THOC5: variants seen among roughly 807,000 people sequenced by gnomAD.
THOC5 encodes Fms-interacting protein.
Under a neutral mutation model 92.9 loss-of-function variants are expected in THOC5, and 43 were observed. That is an observed-to-expected ratio of 0.46 (90% CI 0.36 to 0.60). The LOEUF is 0.60. Among genes scored for constraint, THOC5 ranks in the 20% least tolerant of loss-of-function variants. The pLI is 0.00. For missense variants in THOC5, 659 were observed against 849.4 expected (o/e 0.78, Z 2.79); for synonymous variants, 296 against 320.1 (o/e 0.92, Z 0.80).
intron 12 of THOC5, among the ~76,000 whole-genome samples, chr22:29,525,488 G>C (rs1214564767): frequency 6.6e-6 from 1 of 152,128 alleles, no homozygotes; most frequent in Admixed American, 6.5e-5. Context: ...AAGGGAAAGA[G>C]TGGCCTGAAT....
chr22:29,531,420 G>C (rs2063652572), intron 8 of THOC5: 1 of 1,003,962 alleles, frequency 1.0e-6, no homozygotes, highest in African/African-American at 1.7e-5. Context: ...CATGCAGCCT[G>C]ATTCAAGGCA....
At chr22:29,515,830 C>CA (rs1410201033) in intron 17 of THOC5, among the ~76,000 whole-genome samples, 1 of 151,564 alleles carries the variant, frequency 6.6e-6, no homozygotes, top group Non-Finnish European at 1.5e-5. Context: ...GACCCTGTCT[C>CA]AAAAAATAAG....
At position 29,519,270 on chromosome 22, in the gene THOC5, A is replaced by G. The variant is rs533453884; in HGVS notation, c.1375-150T>C. On this transcript the variant is annotated intron_variant, in intron 14 of 19. Transcript: ENST00000490103. ...TTAGACATGGCAAGGTTTATCTGCT[A>G]TGACAGGCCAGACGCTGAGTCCTGG... The G allele has an allele frequency of 1.9e-5, 10 of 519,498 alleles. No homozygotes were observed. In the East Asian group the frequency reaches 1.9e-4, roughly 10 times the overall value. The allele number at this position is 519,498 out of a possible 1,614,324, so 32.2% of individuals were successfully genotyped here.
rs550234912 is a variant in THOC5, at chr22:29,536,611, C to T, written c.714+13G>A. The T allele has an allele frequency of 1.2e-5, 18 of 1,555,074 alleles. No individual in the cohort carries two copies. In the African/African-American group the frequency reaches 2.0e-4, roughly 18 times the overall value. ...CAGTGGTGAAGGCAAAGCAAAAGGCCAGAGGGCCCCACCTGCATGATGCTG... is the reference window on the plus strand; with the variant it reads ...CAGTGGTGAAGGCAAAGCAAAAGGCTAGAGGGCCCCACCTGCATGATGCTG... On this transcript the variant is annotated intron_variant, in intron 7 of 19. Coordinates refer to ENST00000490103, the MANE Select transcript of THOC5 (RefSeq NM_003678.5).
intron 14 of THOC5, among the ~76,000 whole-genome samples, 171 bp downstream of exon 14, chr22:29,519,837 T>C (rs1482183788): frequency 6.6e-6 from 1 of 152,080 alleles, no homozygotes; most frequent in Non-Finnish European, 1.5e-5. Flanking sequence ...TTTCATCATG[T>C]TGGCCAGGCT....
At chr22:29,511,414 A>AG (rs1164539729) in intron 18 of THOC5, 118 bp from the exon 19 acceptor site, 1 of 1,080,130 alleles carries the variant, frequency 9.3e-7, no homozygotes, top group Non-Finnish European at 1.3e-6. Flanking sequence ...GGGCTGGGCC[A>AG]GGGGCTAGGC....
chr22:29,511,186 G>A lies in THOC5; in HGVS notation c.1908C>T (p.Tyr636=), dbSNP rs759136439. 44 of 1,614,098 alleles carry A rather than the reference G, an allele frequency of 2.7e-5. No individual in the cohort carries two copies. Among genetic ancestry groups the A allele is most frequent in the Non-Finnish European group, 3.6e-5 (42 of 1,180,056 alleles). ...TGTCGTCATGGCTCTCGGTCTCCAG[G>A]TAAACATCCAGCAGCACACACAGCC... ...LQRLCVLLDV[Y]LETESHDDSV... Residue 636 remains tyrosine (Y), a synonymous_variant, in exon 19 of 20, where the codon TAC becomes TAT. Transcript: ENST00000490103.
intron 2 of THOC5, among the ~76,000 whole-genome samples, chr22:29,547,066 A>G (rs2064037233): frequency 6.6e-6 from 1 of 150,576 alleles, no homozygotes; most frequent in African/African-American, 2.4e-5. Context: ...CTGGTCTCAA[A>G]CTCCTGACCT....
intron 17 of THOC5, among the ~76,000 whole-genome samples, chr22:29,513,356 CAAA>C (rs375469055): frequency 9.8e-6 from 1 of 102,376 alleles, no homozygotes. Context: ...GACTCCGTCT[CAAA>C]AAAAAAAAAA....
intron 7 of THOC5, chr22:29,534,734 C>G (rs1235569963): frequency 2.0e-5 from 3 of 151,280 alleles, no homozygotes; most frequent in Admixed American, 1.3e-4. Context: ...GCGGGCAGAT[C>G]ACAAGGTCAG....
chr22:29,525,762 C>G, intron 12 of THOC5, 76 bp downstream of exon 12: 1 of 1,219,504 alleles, frequency 8.2e-7, no homozygotes, highest in East Asian at 2.4e-5. Context: ...GAGGGAGGAA[C>G]CGAGAGCAGC....
chr22:29,550,432 C>G (rs1016410762), intron 1 of THOC5, among the ~76,000 whole-genome samples: 2 of 151,958 alleles, frequency 1.3e-5, no homozygotes, highest in African/African-American at 4.8e-5. Flanking sequence ...TCTACAGTCA[C>G]AAAGCATCCT....
At chr22:29,542,789 A>C in intron 5 of THOC5, 70 bp downstream of exon 5, 2 of 1,037,710 alleles carry the variant, frequency 1.9e-6, no homozygotes, top group Non-Finnish European at 1.5e-6. Flanking sequence ...ACAGACTTAC[A>C]GTGAGCTACA....
chr22:29,546,750 T>C (rs1349997885), intron 2 of THOC5, among the ~76,000 whole-genome samples: 1 of 151,930 alleles, frequency 6.6e-6, no homozygotes, highest in African/African-American at 2.4e-5. Context: ...GGGTTTTTCT[T>C]TTCTACTGTG....
At chr22:29,526,731 A>G (rs1182735584) in intron 11 of THOC5, among the ~76,000 whole-genome samples, 1 of 152,122 alleles carries the variant, frequency 6.6e-6, no homozygotes, top group Non-Finnish European at 1.5e-5. Context: ...ATCAGCAGAA[A>G]TAATACAGTG....
intron 2 of THOC5, 133 bp from the exon 3 acceptor site, chr22:29,544,736 C>T: frequency 1.1e-6 from 1 of 905,042 alleles, no homozygotes. Context: ...TCTAAAAGAT[C>T]TGGTCCTTAA....
At position 29,508,098 on chromosome 22, in the gene THOC5, G is replaced by A; in HGVS notation, c.*359C>T. 4.9e-6 allele frequency: 1 copy of A among 204,796 alleles called. No homozygotes were observed. The highest frequency in any genetic ancestry group is 9.8e-6 in the Non-Finnish European group (1 of 101,734). 12.7% of individuals were successfully genotyped at this position (204,796 alleles called of 1,614,324 possible). A position where few individuals can be genotyped will look rare whatever the true frequency, so the allele number is the denominator to read the frequency against. Reference sequence around the variant, plus strand: ...ACCACCTCTTAACAGCAGGAACTTGGGATAATAAATACAAGATCATGAGGA... The same window carrying A: ...ACCACCTCTTAACAGCAGGAACTTGAGATAATAAATACAAGATCATGAGGA... On this transcript the variant is annotated 3_prime_UTR_variant, in exon 20 of 20. Transcript: ENST00000490103.
chr22:29,528,874 T>A (rs2035445913), intron 9 of THOC5: 4 of 520,380 alleles, frequency 7.7e-6, no homozygotes, highest in Non-Finnish European at 1.0e-5. Context: ...ATAACAATCC[T>A]ACATGAGGTG....
intron 12 of THOC5, among the ~76,000 whole-genome samples, chr22:29,524,605 T>C (rs1327878337): frequency 6.6e-6 from 1 of 151,982 alleles, no homozygotes; most frequent in Non-Finnish European, 1.5e-5. Context: ...CCCTGGACAG[T>C]GTAACTGGGT....
Sources: allele counts gnomAD v4.1 joint callset (sites outside exome capture counted in the v4.1 genomes callset), GRCh38; gene constraint gnomAD v4.1.1; transcripts MANE v1.5; gene names NCBI Gene and HGNC (gene_info 2026-07-23, HGNC 2026-07-21).